Variants in LYPD6 observed in about 807,000 individuals in gnomAD.
LYPD6 encodes the protein LY6/PLAUR domain containing 6.
LYPD6 carries 15 observed loss-of-function variants against 22.7 expected under a neutral mutation model. The ratio of observed to expected loss-of-function variants is 0.66; its 90% CI spans 0.44 to 1.02. LYPD6 has a LOEUF of 1.02. LYPD6 is among the 50% of genes least tolerant of loss of function. The pLI is 0.00. For synonymous variants in LYPD6, 72 were observed against 77.5 expected (o/e 0.93, Z 0.37); for missense variants, 189 against 208.4 (o/e 0.91, Z 0.57).
intron 1 of LYPD6, among the ~76,000 whole-genome samples, chr2:149,405,066 G>A (rs555627746): frequency 2.0e-5 from 3 of 152,210 alleles, no homozygotes; most frequent in East Asian, 3.9e-4. Flanking sequence ...AACCAGCCTT[G>A]CATCCCAGAG....
chr2:149,408,331 C>G (rs1197021147), intron 1 of LYPD6, among the ~76,000 whole-genome samples: 1 of 152,182 alleles, frequency 6.6e-6, no homozygotes, highest in Non-Finnish European at 1.5e-5. Context: ...TGCCTCACAG[C>G]TCTTAAGATT....
At chr2:149,365,308 A>G (rs928580219) in intron 1 of LYPD6, among the ~76,000 whole-genome samples, 1 of 152,198 alleles carries the variant, frequency 6.6e-6, no homozygotes. Flanking sequence ...AGACATTTCC[A>G]TTCTATTTTT....
chr2:149,469,794 G>T (rs888319164), intron 4 of LYPD6, among the ~76,000 whole-genome samples: 1 of 152,138 alleles, frequency 6.6e-6, no homozygotes, highest in African/African-American at 2.4e-5. Flanking sequence ...CACACAGCTG[G>T]TAAGTGACAG....
chr2:149,485,616 C>T, the LYPD6 span, among the ~76,000 whole-genome samples: 1 of 152,288 alleles, frequency 6.6e-6, no homozygotes, highest in East Asian at 1.9e-4. Flanking sequence ...CTCTGTTTGT[C>T]TGACGCTGAG....
At chr2:149,345,269 GT>G (rs1681232470) in intron 1 of LYPD6, among the ~76,000 whole-genome samples, 1 of 149,908 alleles carries the variant, frequency 6.7e-6, no homozygotes, top group African/African-American at 2.5e-5. Context: ...TAGGCTATGT[GT>G]TTGGTTTGAT....
At chr2:149,399,098 TA>T (rs1041370658) in intron 1 of LYPD6, among the ~76,000 whole-genome samples, 134 of 149,984 alleles carry the variant, frequency 8.9e-4, no homozygotes, top group East Asian at 3.9e-3. Flanking sequence ...AGGAAGGTGT[TA>T]AAAAAAAAAT....
At chr2:149,441,940 G>T (rs1683577294) in intron 2 of LYPD6, among the ~76,000 whole-genome samples, 1 of 152,160 alleles carries the variant, frequency 6.6e-6, no homozygotes, top group Admixed American at 6.5e-5. Context: ...CTGTATTCCT[G>T]TGGGGGCTTG....
rs1558806246 is a variant in LYPD6, at chr2:149,433,821, C to A, written c.-71-3817C>A. Among the ~76,000 whole-genome samples, 3 of 152,294 alleles carry A rather than the reference C, an allele frequency of 2.0e-5. No homozygotes were observed. In the East Asian group the frequency reaches 5.8e-4, roughly 29 times the overall value. ...CCCATGTTGTATATGTACTCTGTGT[C>A]TAGTCTGTAAAAATATCCATCTCCT... is the stretch of plus-strand genomic sequence containing the variant. On this transcript the variant is annotated intron_variant, in intron 1 of 4. Transcript: ENST00000334166.
rs573331365 is a variant in LYPD6, at chr2:149,464,703, C to T, written c.218-3942C>T. ...GTGGCATTCATGCTTTTGTGCGTGG[C>T]GGGTTGCATGTCAGAGACAAAACAA... is the stretch of plus-strand genomic sequence containing the variant. On this transcript the variant is annotated intron_variant, in intron 3 of 4. Coordinates refer to ENST00000334166, the MANE Select transcript of LYPD6 (RefSeq NM_194317.5). Among the ~76,000 whole-genome samples the T allele has an allele frequency of 8.0e-4, 121 of 151,986 alleles. 1 individual carries two copies. The South Asian group carries it at 0.023, about 29-fold the overall frequency.
At chr2:149,336,003 T>C (rs547918383) in intron 1 of LYPD6, among the ~76,000 whole-genome samples, 22 of 152,350 alleles carry the variant, frequency 1.4e-4, no homozygotes, top group African/African-American at 5.0e-4. Context: ...TGTTCAGTGA[T>C]ACATGACTAT....
intron 3 of LYPD6, among the ~76,000 whole-genome samples, chr2:149,463,067 T>C (rs541916648): frequency 6.6e-6 from 1 of 152,162 alleles, no homozygotes; most frequent in South Asian, 2.1e-4. Flanking sequence ...AAAACTTTTT[T>C]ACCCGGCACA....
the LYPD6 span, among the ~76,000 whole-genome samples, chr2:149,484,090 A>G: frequency 6.6e-6 from 1 of 152,220 alleles, no homozygotes; most frequent in East Asian, 1.9e-4. Context: ...ACGTTAATAG[A>G]TTTGTGTATG....
At chr2:149,470,660 C>A (rs1681311381) in intron 4 of LYPD6, 23 bp from the exon 5 acceptor site, 1 of 1,601,846 alleles carries the variant, frequency 6.2e-7, no homozygotes. Context: ...TTCTCATTAT[C>A]TTTTTTTCTT....
chr2:149,386,737 C>T (rs1682194290), intron 1 of LYPD6, among the ~76,000 whole-genome samples: 2 of 152,218 alleles, frequency 1.3e-5, no homozygotes, highest in African/African-American at 4.8e-5. Flanking sequence ...CTGTAATCAA[C>T]ACTGGGAAGT....
intron 2 of LYPD6, among the ~76,000 whole-genome samples, chr2:149,440,994 C>T (rs891099704): frequency 2.6e-5 from 4 of 152,054 alleles, no homozygotes; most frequent in South Asian, 2.1e-4. Flanking sequence ...CGTGAGCCAC[C>T]GCGCCTGGCC....
At chr2:149,352,816 A>G (rs1463027877) in intron 1 of LYPD6, among the ~76,000 whole-genome samples, 1 of 152,208 alleles carries the variant, frequency 6.6e-6, no homozygotes, top group African/African-American at 2.4e-5. Context: ...GATATGTAAA[A>G]TCCTTTTTAA....
At chr2:149,416,621 C>G (rs959695428) in intron 1 of LYPD6, among the ~76,000 whole-genome samples, 1 of 152,188 alleles carries the variant, frequency 6.6e-6, no homozygotes, top group Non-Finnish European at 1.5e-5. Context: ...ACCTCCCTTA[C>G]AACGCCCAGA....
intron 1 of LYPD6, among the ~76,000 whole-genome samples, chr2:149,333,248 A>T (rs1457968852): frequency 6.6e-6 from 1 of 152,240 alleles, no homozygotes; most frequent in Non-Finnish European, 1.5e-5. Flanking sequence ...TCATATTTTT[A>T]CTTGCAAAGC....
At chr2:149,417,899 A>T (rs1682998917) in intron 1 of LYPD6, among the ~76,000 whole-genome samples, 2 of 152,334 alleles carry the variant, frequency 1.3e-5, no homozygotes, top group East Asian at 3.9e-4. Context: ...TAGACACAGT[A>T]AATATTTATT....
Sources: allele counts gnomAD v4.1 joint callset (sites outside exome capture counted in the v4.1 genomes callset), GRCh38; gene constraint gnomAD v4.1.1; transcripts MANE v1.5; gene names NCBI Gene and HGNC (gene_info 2026-07-23, HGNC 2026-07-21).